The following HABP2 variants were observed in gnomAD, a reference collection of about 807,000 sequenced individuals.
The protein encoded by HABP2 is factor VII-activating protease.
HABP2 carries 65 observed loss-of-function variants against 66.5 expected under a neutral mutation model. That is an observed-to-expected ratio of 0.98 (90% confidence interval 0.80 to 1.20). The LOEUF is 1.20. Among genes scored for constraint, HABP2 ranks in the 50% most tolerant of loss-of-function variants. HABP2 has a pLI of 0.00. For missense variants in HABP2, 786 were observed against 691.0 expected (o/e 1.14, Z -1.54); for synonymous variants, 263 against 253.9 (o/e 1.04, Z -0.34).
intron 2 of HABP2, among the ~76,000 whole-genome samples, chr10:113,568,188 C>T (rs1845235839): frequency 6.6e-6 from 1 of 152,232 alleles, no homozygotes; most frequent in South Asian, 2.1e-4. Context: ...CACTCCTAGT[C>T]CTTTGGCTCT....
Position 113,588,690 on chromosome 10 carries a change from A to C in HABP2, c.*321A>C, listed in dbSNP as rs1845726845. 1 of 538,178 alleles carries C rather than the reference A, an allele frequency of 1.9e-6. No individual in the cohort carries two copies. Among genetic ancestry groups the C allele is most frequent in the Non-Finnish European group, 3.3e-6 (1 of 306,732 alleles). 33.3% of individuals were successfully genotyped at this position (538,178 alleles called of 1,614,324 possible). On this transcript the variant is annotated 3_prime_UTR_variant, in exon 13 of 13. Coordinates refer to ENST00000351270, the MANE Select transcript of HABP2 (RefSeq NM_004132.5). ...TGCCTCCACCACAGGCATCCTGCAAATGCAGACTCCAGAATCCCCAGCATC... is the reference window on the plus strand; with the variant it reads ...TGCCTCCACCACAGGCATCCTGCAACTGCAGACTCCAGAATCCCCAGCATC...
rs11196382 is a variant in HABP2, at chr10:113,574,349, G to A, written c.167G>A (p.Ser56Asn). The A allele has an allele frequency of 3.5e-5, 57 of 1,608,822 alleles. No homozygotes were observed. Among genetic ancestry groups the A allele is most frequent in the Non-Finnish European group, 4.9e-5 (57 of 1,175,170 alleles). The change falls in exon 3 of 13, where the codon AGT becomes AAT. Residue 56 changes from serine (S) to asparagine (N), a missense_variant. Physicochemically the swap from Ser to Asn is conservative, Grantham distance 46. Coordinates refer to ENST00000351270, the MANE Select transcript of HABP2 (RefSeq NM_004132.5). ...YEDYNQEENT[S>N]STLTHAENPD... The stretch of plus-strand genomic sequence containing the variant: ...GATTATAATCAGGAAGAGAACACCA[G>A]TAGCACACTTACCCACGCTGAGAAT...
chr10:113,589,357 C>T lies in HABP2; in HGVS notation c.*988C>T, dbSNP rs533600403. The T allele has an allele frequency of 1.6e-4, 91 of 559,418 alleles. 1 individual carries two copies. Among genetic ancestry groups the T allele is most frequent in the African/African-American group, 1.5e-3 (80 of 53,374 alleles). 34.7% of individuals were successfully genotyped at this position (559,418 alleles called of 1,614,324 possible). On this transcript the variant is annotated 3_prime_UTR_variant, in exon 13 of 13. Transcript: ENST00000351270. ...TCCAGCGAGTCCCTGACCCTTTCTGCGAATGTAACGAGCAAGCAGTCAGCA... is the reference window on the plus strand; with the variant it reads ...TCCAGCGAGTCCCTGACCCTTTCTGTGAATGTAACGAGCAAGCAGTCAGCA...
chr10:113,589,568 C>T lies in HABP2; in HGVS notation c.*1199C>T. The T allele has an allele frequency of 7.0e-7, 1 of 1,438,238 alleles. No individual in the cohort carries two copies. Among genetic ancestry groups the T allele is most frequent in the Non-Finnish European group, 9.4e-7 (1 of 1,060,678 alleles). 89.1% of individuals were successfully genotyped at this position (1,438,238 alleles called of 1,614,324 possible). A position where few individuals can be genotyped will look rare whatever the true frequency, so the allele number is the denominator to read the frequency against. On this transcript the variant is annotated 3_prime_UTR_variant, in exon 13 of 13. Coordinates refer to ENST00000351270, the MANE Select transcript of HABP2 (RefSeq NM_004132.5). Reference sequence around the variant, plus strand: ...GCGTTTCACACTTCTTTAGAGCTAGCTGACCTTTGGCCAAAAATAAACTTT... The same window carrying T: ...GCGTTTCACACTTCTTTAGAGCTAGTTGACCTTTGGCCAAAAATAAACTTT...
intron 4 of HABP2, among the ~76,000 whole-genome samples, chr10:113,576,310 A>G (rs1414914065): frequency 1.3e-5 from 2 of 152,192 alleles, no homozygotes; most frequent in African/African-American, 4.8e-5. Flanking sequence ...GTCTAACTGC[A>G]ACAGAGCCAT....
chr10:113,569,191 T>C (rs3862019), intron 2 of HABP2, among the ~76,000 whole-genome samples: 87,675 of 152,056 alleles, frequency 0.58, 26,961 homozygotes, highest in East Asian at 0.82. Flanking sequence ...AAACCTCTTA[T>C]AGGGAGTGAA....
In HABP2 at chr10:113,575,881, T is replaced by G. The variant is rs762887884; in HGVS notation, c.224-16T>G. On this transcript the variant is annotated splice_polypyrimidine_tract_variant and intron_variant, in intron 3 of 12. Transcript: ENST00000351270. ...GCCTTTCCTTACCAACATTGCCTTC[T>G]TCCTGTGTGTCTTAGATCCATGCCA... 1 of 1,487,528 alleles carries G rather than the reference T, an allele frequency of 6.7e-7. No homozygotes were observed. Among genetic ancestry groups the G allele is most frequent in the Non-Finnish European group, 9.3e-7 (1 of 1,070,688 alleles). 92.1% of individuals were successfully genotyped at this position (1,487,528 alleles called of 1,614,324 possible). A position where few individuals can be genotyped will look rare whatever the true frequency, so the allele number is the denominator to read the frequency against.
In HABP2 at chr10:113,580,733, G is replaced by A. The variant is rs2286742; in HGVS notation, c.838+41G>A. The A allele has an allele frequency of 0.55, 550,031 of 1,004,272 alleles. 154,058 individuals carry two copies. Among genetic ancestry groups the A allele is most frequent in the Admixed American group, 0.7 (40,678 of 57,960 alleles). 62.2% of individuals were successfully genotyped at this position (1,004,272 alleles called of 1,614,324 possible). A position where few individuals can be genotyped will look rare whatever the true frequency, so the allele number is the denominator to read the frequency against. ...GTTCAGAAGCCCAGGGGGTGGGGGGGATGGAGATTTGTAGGGAGATGTCCC... is the reference window on the plus strand; with the variant it reads ...GTTCAGAAGCCCAGGGGGTGGGGGGAATGGAGATTTGTAGGGAGATGTCCC... On this transcript the variant is annotated intron_variant, in intron 8 of 12. Transcript: ENST00000351270.
Position 113,589,505 on chromosome 10 carries a change from C to G in HABP2, c.*1136C>G. The G allele has an allele frequency of 1.3e-6, 1 of 765,302 alleles. No individual in the cohort carries two copies. Among genetic ancestry groups the G allele is most frequent in the Non-Finnish European group, 2.1e-6 (1 of 482,784 alleles). The allele number at this position is 765,302 out of a possible 1,614,324, so 47.4% of individuals were successfully genotyped here. A position where few individuals can be genotyped will look rare whatever the true frequency, so the allele number is the denominator to read the frequency against. On this transcript the variant is annotated 3_prime_UTR_variant, in exon 13 of 13. Coordinates refer to ENST00000351270, the MANE Select transcript of HABP2 (RefSeq NM_004132.5). The stretch of plus-strand genomic sequence containing the variant: ...TTAACCTGCGTGTCATCTGCCTGGT[C>G]ATCTCAGACCCATGAAATTAGGCGC...
At chr10:113,558,231 A>G (rs893758007) in intron 1 of HABP2, among the ~76,000 whole-genome samples, 1 of 152,246 alleles carries the variant, frequency 6.6e-6, no homozygotes, top group African/African-American at 2.4e-5. Context: ...CAGTTCGTTC[A>G]GTGTTTTCAA....
intron 1 of HABP2, among the ~76,000 whole-genome samples, chr10:113,565,697 C>A (rs1328193029): frequency 1.3e-5 from 2 of 152,252 alleles, no homozygotes; most frequent in Admixed American, 1.3e-4. Flanking sequence ...CAAACCACAG[C>A]ACTCAATGTC....
At chr10:113,579,655 C>T (rs1845482574) in intron 7 of HABP2, among the ~76,000 whole-genome samples, 1 of 152,232 alleles carries the variant, frequency 6.6e-6, no homozygotes, top group African/African-American at 2.4e-5. Flanking sequence ...TGTTGGCTTC[C>T]TGCCACTACC....
intron 8 of HABP2, among the ~76,000 whole-genome samples, chr10:113,581,564 C>T (rs1315684365): frequency 6.6e-6 from 1 of 152,176 alleles, no homozygotes; most frequent in East Asian, 1.9e-4. Flanking sequence ...GAAGTACATA[C>T]CCAGTGAGGG....
At chr10:113,574,263 C>T (rs747308510) in intron 2 of HABP2, 26 bp from the exon 3 acceptor site, 2 of 1,148,474 alleles carry the variant, frequency 1.7e-6, no homozygotes, top group Admixed American at 3.5e-5. Flanking sequence ...ATTAGGATTT[C>T]TTCTGTCCTG....
At chr10:113,571,913 G>C (rs1000203451) in intron 2 of HABP2, among the ~76,000 whole-genome samples, 7 of 152,216 alleles carry the variant, frequency 4.6e-5, no homozygotes, top group African/African-American at 1.7e-4. Context: ...TACATATGCA[G>C]ACAATAGGAT....
chr10:113,553,558 T>C (rs998087275), intron 1 of HABP2, among the ~76,000 whole-genome samples: 19 of 152,360 alleles, frequency 1.2e-4, no homozygotes, highest in African/African-American at 4.6e-4. Flanking sequence ...ACCTATCTAT[T>C]GGTGCTGACA....
intron 1 of HABP2, among the ~76,000 whole-genome samples, chr10:113,559,747 C>T (rs574219886): frequency 1.3e-5 from 2 of 152,356 alleles, no homozygotes; most frequent in South Asian, 2.1e-4. Context: ...AAATGGGACT[C>T]TTCTCTTTCT....
intron 12 of HABP2, 22 bp from the exon 13 acceptor site, chr10:113,588,183 C>T (rs368366340): frequency 1.3e-6 from 2 of 1,580,310 alleles, no homozygotes; most frequent in African/African-American, 1.4e-5. Flanking sequence ...CGAGGATGAG[C>T]TTATGCCTCT....
At chr10:113,567,608 T>C in intron 2 of HABP2, 83 bp downstream of exon 2, 1 of 1,001,578 alleles carries the variant, frequency 1.0e-6, no homozygotes, top group Non-Finnish European at 1.6e-6. Flanking sequence ...AGTATGGAAG[T>C]GTTGGAGGGA....
Sources: gnomAD v4.1 joint callset for allele counts (sites outside exome capture counted in the v4.1 genomes callset) on GRCh38, gnomAD v4.1.1 for gene constraint, MANE v1.5 for transcripts, NCBI Gene and HGNC (gene_info 2026-07-23, HGNC 2026-07-21) for gene names.